Variants in CSMD1 observed in about 807,000 individuals in gnomAD.
CSMD1 encodes CUB and sushi domain-containing protein 1.
Under a neutral mutation model 417.5 loss-of-function variants are expected in CSMD1, and 213 were observed. The ratio of observed to expected loss-of-function variants is 0.51; its 90% CI spans 0.46 to 0.57. CSMD1 has a LOEUF of 0.57. Among genes scored for constraint, CSMD1 ranks in the 20% least tolerant of loss-of-function variants. The pLI is 0.00. For missense variants in CSMD1, 6,923 were observed against 4,529.7 expected (o/e 1.53, Z -15.17); for synonymous variants, 2,862 against 1,736.8 (o/e 1.65, Z -16.11).
Position 4,031,895 on chromosome 8 carries a change from A to G in CSMD1, c.610+10T>C, listed in dbSNP as rs1585168955. The G allele has an allele frequency of 1.2e-6, 2 of 1,605,252 alleles. No individual in the cohort carries two copies. Among genetic ancestry groups the G allele is most frequent in the Non-Finnish European group, 1.7e-6 (2 of 1,174,066 alleles). On this transcript the variant is annotated intron_variant, in intron 4 of 69. Coordinates refer to ENST00000635120, the MANE Select transcript of CSMD1 (RefSeq NM_033225.6). ...GGAGTCTGCTCACCAGCCCCCTTGT[A>G]GCACTGTACCTCTGCAAAAGGGAGC...
intron 5 of CSMD1, among the ~76,000 whole-genome samples, chr8:3,879,802 T>C (rs1377179525): frequency 6.6e-6 from 1 of 151,070 alleles, no homozygotes; most frequent in Non-Finnish European, 1.5e-5. Flanking sequence ...TTGTCATTTA[T>C]TTCGTGTATA....
intron 1 of CSMD1, among the ~76,000 whole-genome samples, chr8:4,946,925 T>C (rs183342060): frequency 1.0e-3 from 159 of 152,358 alleles, no homozygotes; most frequent in Non-Finnish European, 1.9e-3. Context: ...AGAGCATATG[T>C]ACATACGTAT....
chr8:4,020,519 T>G (rs115711104), intron 4 of CSMD1, among the ~76,000 whole-genome samples: 2,538 of 152,298 alleles, frequency 0.017, 62 homozygotes, highest in African/African-American at 0.057. Context: ...TACTGCTTTC[T>G]GGATGGGTGA....
intron 5 of CSMD1, among the ~76,000 whole-genome samples, chr8:3,765,898 C>G (rs1023110558): frequency 6.6e-6 from 1 of 152,196 alleles, no homozygotes; most frequent in Non-Finnish European, 1.5e-5. Context: ...GTATGAGAGT[C>G]CATCTCAAAC....
In CSMD1 at chr8:3,796,527, C is replaced by A. The variant is rs1451857214; in HGVS notation, c.819-42485G>T. Among the ~76,000 whole-genome samples the A allele has an allele frequency of 2.8e-5, 4 of 141,166 alleles. No individual in the cohort carries two copies. In the South Asian group the frequency reaches 6.7e-4, roughly 24 times the overall value. 92.6% of individuals were successfully genotyped at this position (141,166 alleles called of 152,430 possible). On this transcript the variant is annotated intron_variant, in intron 5 of 69. Coordinates refer to ENST00000635120, the MANE Select transcript of CSMD1 (RefSeq NM_033225.6). ...GATATATATATCTATATATCTATAT[C>A]TAAGATATATATCTATATCCATACA...
At chr8:4,250,524 G>A (rs953621555) in intron 3 of CSMD1, among the ~76,000 whole-genome samples, 16 of 152,026 alleles carry the variant, frequency 1.1e-4, no homozygotes, top group East Asian at 1.9e-4. Context: ...TATGTATATC[G>A]CCCATGAAGT....
chr8:3,531,207 T>C (rs1797966423), intron 10 of CSMD1, among the ~76,000 whole-genome samples: 1 of 152,148 alleles, frequency 6.6e-6, no homozygotes, highest in African/African-American at 2.4e-5. Flanking sequence ...ATTCACCTAA[T>C]TTAAAACAAC....
In CSMD1 at chr8:3,350,252, T is replaced by C. The variant is rs4875662; in HGVS notation, c.3305-2091A>G. ...TAATAACTTGTGTATGTGTGTGTTATAATACCTATAATAACCTATAATAAC... is the reference window on the plus strand; with the variant it reads ...TAATAACTTGTGTATGTGTGTGTTACAATACCTATAATAACCTATAATAAC... On this transcript the variant is annotated intron_variant, in intron 21 of 69. Coordinates refer to ENST00000635120, the MANE Select transcript of CSMD1 (RefSeq NM_033225.6). Among the ~76,000 whole-genome samples the C allele has an allele frequency of 9.0e-3, 1,230 of 136,306 alleles. 10 individuals carry two copies. The highest frequency in any genetic ancestry group is 0.025 in the South Asian group (102 of 4,156). The allele number at this position is 136,306 out of a possible 152,430, so 89.4% of individuals were successfully genotyped here.
chr8:3,723,811 T>G (rs1802327921), intron 6 of CSMD1, among the ~76,000 whole-genome samples: 1 of 152,184 alleles, frequency 6.6e-6, no homozygotes, highest in Admixed American at 6.5e-5. Flanking sequence ...TGACCGCAAC[T>G]TACTGCTACC....
intron 12 of CSMD1, among the ~76,000 whole-genome samples, chr8:3,462,247 G>A (rs531154085): frequency 2.0e-5 from 3 of 152,204 alleles, no homozygotes; most frequent in East Asian, 1.9e-4. Context: ...ACCAAGCCTG[G>A]CCCAATTGCT....
intron 3 of CSMD1, among the ~76,000 whole-genome samples, chr8:4,220,860 G>C (rs533526772): frequency 5.3e-5 from 8 of 152,170 alleles, no homozygotes; most frequent in South Asian, 2.1e-4. Context: ...AAGTAGCTTG[G>C]GGTAACAAGT....
rs80154333 is a variant in CSMD1, at chr8:3,783,995, C to T, written c.819-29953G>A. Among the ~76,000 whole-genome samples the T allele has an allele frequency of 2.1e-3, 319 of 152,308 alleles. 3 individuals carry two copies. The East Asian group carries it at 0.029, about 14-fold the overall frequency. On this transcript the variant is annotated intron_variant, in intron 5 of 69. Coordinates refer to ENST00000635120, the MANE Select transcript of CSMD1 (RefSeq NM_033225.6). ...ATTACTTCCTCTTCTGGTGCCTGAC[C>T]TTTCTTATTTGCAAAATGTTTATCA...
intron 5 of CSMD1, among the ~76,000 whole-genome samples, chr8:3,774,880 C>T (rs565243087): frequency 6.0e-4 from 91 of 152,072 alleles, no homozygotes; most frequent in Non-Finnish European, 9.6e-4. Flanking sequence ...GAGTGCTGAG[C>T]CCATATGTAC....
chr8:3,511,762 A>AATAACATAACATAACATAAC (rs200325169), intron 10 of CSMD1, among the ~76,000 whole-genome samples: 50 of 138,436 alleles, frequency 3.6e-4, no homozygotes, highest in Non-Finnish European at 2.7e-4. Context: ...TCTCTAAAAA[A>AATAACATAACATAACATAAC]ATAACATAAC....
chr8:3,908,815 G>A (rs2930372), intron 5 of CSMD1, among the ~76,000 whole-genome samples: 29,934 of 152,052 alleles, frequency 0.2, 3,936 homozygotes, highest in African/African-American at 0.36. Flanking sequence ...TTTGAAACAG[G>A]ATCTCTATGT....
intron 1 of CSMD1, among the ~76,000 whole-genome samples, chr8:4,734,845 T>G (rs1424624113): frequency 6.6e-6 from 1 of 152,158 alleles, no homozygotes. Context: ...TGGACTGAAC[T>G]CTCCTTGGTG....
At chr8:3,976,779 G>A (rs1222792253) in intron 5 of CSMD1, among the ~76,000 whole-genome samples, 1 of 152,104 alleles carries the variant, frequency 6.6e-6, no homozygotes, top group Non-Finnish European at 1.5e-5. Flanking sequence ...AATTCTTCAG[G>A]CTGAATGCTG....
chr8:3,846,689 T>C (rs1803527163), intron 5 of CSMD1, among the ~76,000 whole-genome samples: 1 of 152,166 alleles, frequency 6.6e-6, no homozygotes, highest in Non-Finnish European at 1.5e-5. Context: ...ATGGAGTTTC[T>C]CTCTGTCGCC....
At chr8:4,981,936 G>A (rs927460425) in intron 1 of CSMD1, among the ~76,000 whole-genome samples, 11 of 152,084 alleles carry the variant, frequency 7.2e-5, no homozygotes, top group Admixed American at 5.9e-4. Context: ...AGCCATGCTA[G>A]GAAGTCCCAG....
Sources: allele counts gnomAD v4.1 joint callset (sites outside exome capture counted in the v4.1 genomes callset), GRCh38; gene constraint gnomAD v4.1.1; transcripts MANE v1.5; gene names NCBI Gene and HGNC (gene_info 2026-07-23, HGNC 2026-07-21).